The following DMXL2 variants were observed in gnomAD, a reference collection of about 807,000 sequenced individuals.
DMXL2 encodes the protein Dmx like 2.
DMXL2 carries 103 observed loss-of-function variants against 331.1 expected under a neutral mutation model. The ratio of observed to expected loss-of-function variants is 0.31; its 90% CI spans 0.27 to 0.37. DMXL2 has a LOEUF of 0.37. Ranked by LOEUF, DMXL2 falls within the 10% of genes least tolerant of loss-of-function variation. The probability of loss-of-function intolerance (pLI) is 1.00; values close to 1 mark genes in which losing one functional copy is unlikely to be tolerated. For missense variants in DMXL2, 3,171 were observed against 3,642.9 expected, an observed-to-expected ratio of 0.87 and a Z score of 3.33; for synonymous variants, 1,281 against 1,252.1, an observed-to-expected ratio of 1.02 and a Z score of -0.49.
At chr15:51,484,721 C>T (rs2042261494) in intron 23 of DMXL2, among the ~76,000 whole-genome samples, 1 of 152,082 alleles carries the variant, frequency 6.6e-6, no homozygotes, top group South Asian at 2.1e-4. Context: ...CAGTAACAGA[C>T]CTTAGTCACA....
intron 1 of DMXL2, among the ~76,000 whole-genome samples, chr15:51,597,599 A>C (rs1210924809): frequency 6.6e-6 from 1 of 152,236 alleles, no homozygotes; most frequent in Non-Finnish European, 1.5e-5. Context: ...TGCTGCTATG[A>C]ACATTCTTGT....
At chr15:51,560,911 A>G (rs1243253993) in intron 6 of DMXL2, among the ~76,000 whole-genome samples, 2 of 151,814 alleles carry the variant, frequency 1.3e-5, no homozygotes, top group Non-Finnish European at 2.9e-5. Context: ...AGTAGGGTAC[A>G]TGTGTATTTG....
intron 1 of DMXL2, among the ~76,000 whole-genome samples, chr15:51,604,955 A>G (rs1264816585): frequency 2.0e-5 from 3 of 152,134 alleles, no homozygotes; most frequent in African/African-American, 7.2e-5. Context: ...TAGCCAATTG[A>G]TTTTTTACAA....
intron 8 of DMXL2, among the ~76,000 whole-genome samples, chr15:51,543,410 G>T (rs1184353540): frequency 6.6e-6 from 1 of 152,164 alleles, no homozygotes; most frequent in Non-Finnish European, 1.5e-5. Flanking sequence ...ATGGAAAACA[G>T]TATCAGGTCA....
chr15:51,577,497 T>C (rs1340364270), intron 1 of DMXL2, among the ~76,000 whole-genome samples: 1 of 152,132 alleles, frequency 6.6e-6, no homozygotes, highest in East Asian at 1.9e-4. Context: ...AAGAAAAATA[T>C]GGAGAAAATC....
At chr15:51,481,773 A>G (rs1482810487) in intron 23 of DMXL2, 150 bp from the exon 24 acceptor site, 5 of 712,222 alleles carry the variant, frequency 7.0e-6, no homozygotes, top group African/African-American at 1.8e-5. Flanking sequence ...CAATCATTAC[A>G]ACTGTACAGC....
At chr15:51,514,186 T>G in intron 15 of DMXL2, among the ~76,000 whole-genome samples, 1 of 152,290 alleles carries the variant, frequency 6.6e-6, no homozygotes, top group South Asian at 2.1e-4. Context: ...TTGAAGAAAC[T>G]TACTTTTTAA....
chr15:51,622,338 C>A, intron 1 of DMXL2, 121 bp downstream of exon 1: 84 of 1,352,262 alleles, frequency 6.2e-5, no homozygotes, highest in Non-Finnish European at 8.4e-5. Context: ...GCAAAGGGGC[C>A]ACGGGTGGGG....
intron 1 of DMXL2, among the ~76,000 whole-genome samples, chr15:51,596,091 G>C (rs2052779723): frequency 6.6e-6 from 1 of 152,144 alleles, no homozygotes; most frequent in Admixed American, 6.5e-5. Flanking sequence ...AAACTAAAGA[G>C]CTTCTGCACA....
chr15:51,557,911 A>C (rs1037415484), intron 6 of DMXL2, among the ~76,000 whole-genome samples: 1 of 152,228 alleles, frequency 6.6e-6, no homozygotes, highest in African/African-American at 2.4e-5. Context: ...TAAAACATAA[A>C]ATGTCCATAT....
At chr15:51,508,380 A>G (rs2046542520) in intron 15 of DMXL2, among the ~76,000 whole-genome samples, 2 of 152,304 alleles carry the variant, frequency 1.3e-5, no homozygotes, top group South Asian at 4.2e-4. Flanking sequence ...CTTGCAAAGG[A>G]CAGCTACAAG....
At chr15:51,518,381 T>C (rs552977946) in intron 13 of DMXL2, among the ~76,000 whole-genome samples, 64 of 152,248 alleles carry the variant, frequency 4.2e-4, no homozygotes, top group Non-Finnish European at 8.2e-4. Flanking sequence ...GGTTTGTTCA[T>C]TGAAATCTGG....
At chr15:51,572,022 A>G (rs2050701388) in intron 2 of DMXL2, among the ~76,000 whole-genome samples, 1 of 152,188 alleles carries the variant, frequency 6.6e-6, no homozygotes, top group African/African-American at 2.4e-5. Context: ...AAGATTAACA[A>G]AATACATAGA....
chr15:51,531,693 G>A (rs1010366894), intron 13 of DMXL2, among the ~76,000 whole-genome samples: 44 of 152,110 alleles, frequency 2.9e-4, no homozygotes, highest in African/African-American at 9.4e-4. Flanking sequence ...CTAGTAATCT[G>A]ATCAAAAAAT....
chr15:51,506,381 T>C lies in DMXL2; in HGVS notation c.2764+753A>G, dbSNP rs144221293. 8.5e-3 allele frequency among the ~76,000 whole-genome samples: 1,287 copies of C among 151,592 alleles called. 12 individuals carry two copies. The highest frequency in any genetic ancestry group is 0.029 in the African/African-American group (1,207 of 41,306). On this transcript the variant is annotated intron_variant, in intron 16 of 43. Coordinates refer to ENST00000560891, the MANE Select transcript of DMXL2 (RefSeq NM_001378457.1). ...CCCATGCCCAGCCTGTATTTCTTAA[T>C]GCTCTACAAAAACAGTTCTGCTTAT...
chr15:51,573,454 C>T (rs1403079516), intron 2 of DMXL2, among the ~76,000 whole-genome samples: 5 of 152,166 alleles, frequency 3.3e-5, no homozygotes, highest in African/African-American at 1.2e-4. Flanking sequence ...CCCAAATGCC[C>T]ATCAATGATA....
Position 51,608,030 on chromosome 15 carries a change from C to G in DMXL2, c.87+14429G>C, listed in dbSNP as rs79239712. The stretch of plus-strand genomic sequence containing the variant: ...GTGAAACCCTTCTCTCCTAAAAATA[C>G]AAAAATTAGCCAGATGTGGTGGTGC... On this transcript the variant is annotated intron_variant, in intron 1 of 43. Coordinates refer to ENST00000560891, the MANE Select transcript of DMXL2 (RefSeq NM_001378457.1). Among the ~76,000 whole-genome samples the G allele has an allele frequency of 2.6e-3, 397 of 151,894 alleles. 18 individuals are homozygous for G. The East Asian group carries it at 0.062, about 24-fold the overall frequency.
At chr15:51,500,339 T>G in intron 17 of DMXL2, 108 bp from the exon 18 acceptor site, 1 of 1,125,110 alleles carries the variant, frequency 8.9e-7, no homozygotes, top group African/African-American at 1.6e-5. Flanking sequence ...ACTATGAGCT[T>G]CTTCAGAATA....
At chr15:51,530,272 G>T (rs1318139300) in intron 13 of DMXL2, among the ~76,000 whole-genome samples, 3 of 152,028 alleles carry the variant, frequency 2.0e-5, no homozygotes, top group Non-Finnish European at 4.4e-5. Context: ...ATCCAAATTG[G>T]AAAGGAAGAA....
Sources: gnomAD v4.1 joint callset for allele counts (sites outside exome capture counted in the v4.1 genomes callset) on GRCh38, gnomAD v4.1.1 for gene constraint, MANE v1.5 for transcripts, NCBI Gene and HGNC (gene_info 2026-07-23, HGNC 2026-07-21) for gene names.